Variants in AP1M2 observed in about 807,000 individuals in gnomAD.
AP1M2 encodes AP-1 complex subunit mu-2.
In AP1M2, 41 loss-of-function variants were observed where a neutral mutation model predicts 54.6. The observed-to-expected ratio is 0.75, with a 90% CI of 0.59 to 0.97. AP1M2 has a LOEUF of 0.97. AP1M2 is among the 50% of genes least tolerant of loss of function. AP1M2 has a pLI of 0.00. For missense variants in AP1M2, 507 were observed against 561.2 expected (o/e 0.90, Z 0.98); for synonymous variants, 219 against 215.9 (o/e 1.01, Z -0.13).
chr19:10,577,217 C>T lies in AP1M2; in HGVS notation c.1028G>A (p.Trp343Ter). Residue 343 changes from tryptophan (W) to a stop codon, truncating the protein, a stop_gained, in exon 9 of 12, where the codon TGG becomes TAG. Transcript: ENST00000250244. LOFTEE classifies it high-confidence loss of function. The stretch of plus-strand genomic sequence containing the variant: ...ACTTACCGGGAAAGACTTAATACTC[C>T]AAATCACGACGTTTCTCTCCGGCAC... ...KYVPERNVVIWSIKSFPGGKE... is the reference protein window; with the variant it reads ...KYVPERNVVI 6.2e-7 allele frequency: 1 copy of T among 1,612,910 alleles called. No individual in the cohort carries two copies. The highest frequency in any genetic ancestry group is 1.1e-5 in the South Asian group (1 of 90,782).
At chr19:10,579,285 A>G (rs1473339196) in intron 7 of AP1M2, among the ~76,000 whole-genome samples, 2 of 151,960 alleles carry the variant, frequency 1.3e-5, no homozygotes, top group East Asian at 2.0e-4. Context: ...ACACGGTGGC[A>G]TGCGCCTATA....
intron 7 of AP1M2, 79 bp downstream of exon 7, chr19:10,579,634 GTGA>G: frequency 2.8e-6 from 4 of 1,453,596 alleles, no homozygotes; most frequent in Non-Finnish European, 3.7e-6. Flanking sequence ...GATTACAGGC[GTGA>G]GCCACTGCGC....
At chr19:10,574,880 A>C (rs1391761827) in intron 10 of AP1M2, 24 bp downstream of exon 10, 1 of 1,590,838 alleles carries the variant, frequency 6.3e-7, no homozygotes, top group African/African-American at 1.4e-5. Flanking sequence ...CAAGGGGAGG[A>C]TCCTCCCTGC....
rs1555753877 is a variant in AP1M2 at position 10,585,294 on chromosome 19, A to AGAAGGAAGGAAG, written c.43-1225_43-1224insCTTCCTTCCTTC. Among the ~76,000 whole-genome samples the AGAAGGAAGGAAG allele has an allele frequency of 2.1e-4, 24 of 115,064 alleles. 1 individual carries two copies. Among genetic ancestry groups the AGAAGGAAGGAAG allele is most frequent in the Non-Finnish European group, 3.6e-4 (19 of 52,584 alleles). The allele number at this position is 115,064 out of a possible 152,430, so 75.5% of individuals were successfully genotyped here. On this transcript the variant is annotated intron_variant, in intron 1 of 11. Coordinates refer to ENST00000250244, the MANE Select transcript of AP1M2 (RefSeq NM_005498.5). ...AAAGAAAGAAGAAAAAAAGAAAGAA[A>AGAAGGAAGGAAG]GAAAGAAAGAAAGAAAGAAAGAAAG...
At chr19:10,586,189 A>T (rs1330921208) in intron 1 of AP1M2, among the ~76,000 whole-genome samples, 2 of 152,002 alleles carry the variant, frequency 1.3e-5, no homozygotes, top group Admixed American at 1.3e-4. Flanking sequence ...AGGCTGAGGA[A>T]GGAGAATCAC....
At chr19:10,577,140 C>T in intron 9 of AP1M2, 58 bp downstream of exon 9, 1 of 1,548,296 alleles carries the variant, frequency 6.5e-7, no homozygotes, top group South Asian at 1.2e-5. Flanking sequence ...CCTGGGCAGC[C>T]CCCACACTAC....
rs1917186093 is a variant in AP1M2, at chr19:10,575,030, CT to C, written c.1048-2del. The C allele has an allele frequency of 6.7e-7, 1 of 1,503,228 alleles. No homozygotes were observed. The allele number at this position is 1,503,228 out of a possible 1,614,324, so 93.1% of individuals were successfully genotyped here. On this transcript the variant is annotated splice_acceptor_variant, in intron 9 of 11. Coordinates refer to ENST00000250244, the MANE Select transcript of AP1M2 (RefSeq NM_005498.5). LOFTEE classifies it high-confidence loss of function. ...CTCGCATCAAGTACTCCTTGCCCCCCTGAGGGAACATGGGGGCATCAGGTAC... is the reference window on the plus strand; with the variant it reads ...CTCGCATCAAGTACTCCTTGCCCCCCGAGGGAACATGGGGGCATCAGGTAC...
At chr19:10,575,105 A>G in intron 9 of AP1M2, 76 bp from the exon 10 acceptor site, 11 of 1,388,068 alleles carry the variant, frequency 7.9e-6, no homozygotes, top group Non-Finnish European at 1.0e-5. Context: ...CAACCCCTGG[A>G]GTCAGATCTG....
rs1388682965 is a variant in AP1M2 at position 10,574,910 on chromosome 19, C to T, written c.1167G>A (p.Gly389=). The T allele has an allele frequency of 1.2e-6, 2 of 1,603,380 alleles. No individual in the cohort carries two copies. ...CCCTGCCTGCTTCTCTCACCTGGAT[C>T]CCAGAGACGGTGAAGTAGGGGATCT... ...KFEIPYFTVS[G]IQVRYMKIIE... The change falls in exon 10 of 12, where the codon GGG becomes GGA. Residue 389 remains glycine, a synonymous_variant. Transcript: ENST00000250244.
chr19:10,579,017 T>TC lies in AP1M2; in HGVS notation c.817-55_817-54insG. ...GGAGACTCCATGTTGACTCTCTTCT[T>TC]TTTTTTTTTTTTTTTTTCTTTCTTT... is the stretch of plus-strand genomic sequence containing the variant. On this transcript the variant is annotated intron_variant, in intron 7 of 11. Coordinates refer to ENST00000250244, the MANE Select transcript of AP1M2 (RefSeq NM_005498.5). 1.1e-5 allele frequency: 7 copies of TC among 625,764 alleles called. No homozygotes were observed. The South Asian group carries it at 1.2e-4, about 11-fold the overall frequency. The allele number at this position is 625,764 out of a possible 1,614,324, so 38.8% of individuals were successfully genotyped here. A position where few individuals can be genotyped will look rare whatever the true frequency, so the allele number is the denominator to read the frequency against.
rs530211692 is a variant in AP1M2 at position 10,580,331 on chromosome 19, G to A, written c.674-473C>T. On this transcript the variant is annotated intron_variant, in intron 6 of 11. Transcript: ENST00000250244. The stretch of plus-strand genomic sequence containing the variant: ...CTCCCAAAGTGCTGGGATTACAGGC[G>A]TGAGCCACTGTATACCCGGCAGTGT... Among the ~76,000 whole-genome samples the A allele has an allele frequency of 1.1e-4, 17 of 152,064 alleles. No individual in the cohort carries two copies. The East Asian group carries it at 2.3e-3, about 21-fold the overall frequency.
chr19:10,577,172 A>G (rs1555752224), intron 9 of AP1M2, 26 bp downstream of exon 9: 1 of 1,589,978 alleles, frequency 6.3e-7, no homozygotes, highest in South Asian at 1.1e-5. Flanking sequence ...CCACCCCCAG[A>G]TCCCCCGCCA....
intron 10 of AP1M2, 72 bp downstream of exon 10, chr19:10,574,832 C>T (rs897242026): frequency 1.5e-5 from 23 of 1,498,936 alleles, no homozygotes; most frequent in African/African-American, 1.4e-4. Flanking sequence ...TGAGGTGACT[C>T]GAGCCAAGGG....
rs959254489 is a variant in AP1M2, at chr19:10,577,807, G to A, written c.889-451C>T. On this transcript the variant is annotated intron_variant, in intron 8 of 11. Coordinates refer to ENST00000250244, the MANE Select transcript of AP1M2 (RefSeq NM_005498.5). ...GCTGGAGTGCAGTGGCACAATCTCC[G>A]CTCACGGCAACCTCCGCCTCCTGGG... Among the ~76,000 whole-genome samples, 18 of 145,192 alleles carry A rather than the reference G, an allele frequency of 1.2e-4. No individual in the cohort carries two copies. The South Asian group carries it at 2.4e-3, about 19-fold the overall frequency.
chr19:10,585,647 A>G (rs1917635414), intron 1 of AP1M2, among the ~76,000 whole-genome samples: 1 of 152,062 alleles, frequency 6.6e-6, no homozygotes, highest in South Asian at 2.1e-4. Context: ...CTGTGAGCTG[A>G]GATCACACCA....
chr19:10,587,137 C>T, intron 1 of AP1M2, 53 bp downstream of exon 1: 2 of 1,543,862 alleles, frequency 1.3e-6, no homozygotes, highest in Non-Finnish European at 1.8e-6. Flanking sequence ...CCCTGAATCC[C>T]TGGGAGCGAG....
intron 11 of AP1M2, among the ~76,000 whole-genome samples, chr19:10,573,513 G>C (rs1281113648): frequency 1.3e-5 from 2 of 151,966 alleles, no homozygotes; most frequent in African/African-American, 2.4e-5. Context: ...GATCAACAAG[G>C]CTAAGAATGG....
Position 10,581,555 on chromosome 19 carries a change from G to T in AP1M2, c.478C>A (p.Arg160Ser), listed in dbSNP as rs372188688. ...TTCTTATACTTGATACCCTCGGAGC[G>T]CCAGGACACAGCGTTGGTGACAGTG... ...PPTVTNAVSWRSEGIKYKKNE... is the reference protein window; with the variant it reads ...PPTVTNAVSWSSEGIKYKKNE... The change falls in exon 5 of 12, where the codon CGC (arginine) becomes AGC (serine). Residue 160 changes from arginine (R) to serine (S), a missense_variant. Physicochemically the swap from Arg to Ser is moderately radical, Grantham distance 110. Transcript: ENST00000250244. The T allele has an allele frequency of 1.2e-6, 2 of 1,613,728 alleles. No individual in the cohort carries two copies. The highest frequency in any genetic ancestry group is 2.2e-5 in the East Asian group (1 of 44,882).
chr19:10,587,143 G>A, intron 1 of AP1M2, 47 bp downstream of exon 1: 1 of 1,547,482 alleles, frequency 6.5e-7, no homozygotes, highest in South Asian at 1.2e-5. Context: ...ATCCCTGGGA[G>A]CGAGACCTCA....
Sources: allele counts gnomAD v4.1 joint callset (sites outside exome capture counted in the v4.1 genomes callset), GRCh38; gene constraint gnomAD v4.1.1; transcripts MANE v1.5; gene names NCBI Gene and HGNC (gene_info 2026-07-23, HGNC 2026-07-21).